SCUBE1: variants seen among roughly 807,000 people sequenced by gnomAD.
SCUBE1 encodes the protein signal peptide, CUB domain and EGF like domain containing 1.
Under a neutral mutation model 124.4 loss-of-function variants are expected in SCUBE1, and 59 were observed. That is an observed-to-expected ratio of 0.47 (90% CI 0.38 to 0.59). The LOEUF (loss-of-function observed/expected upper bound fraction) is 0.59, where lower values mean the gene tolerates loss of function less well. Ranked by LOEUF, SCUBE1 falls within the 20% of genes least tolerant of loss-of-function variation. SCUBE1 has a pLI of 0.00. For missense variants in SCUBE1, 1,150 were observed against 1,371.2 expected, an observed-to-expected ratio of 0.84 and a Z score of 2.55; for synonymous variants, 545 against 550.9, an observed-to-expected ratio of 0.99 and a Z score of 0.15.
At chr22:43,294,969 TA>T (rs1925503169) in intron 3 of SCUBE1, among the ~76,000 whole-genome samples, 1 of 152,162 alleles carries the variant, frequency 6.6e-6, no homozygotes, top group African/African-American at 2.4e-5. Context: ...CCGGGGGCAT[TA>T]TTCTTATTAT....
chr22:43,215,495 C>A (rs1569497190), intron 15 of SCUBE1, among the ~76,000 whole-genome samples: 2 of 152,158 alleles, frequency 1.3e-5, no homozygotes, highest in Admixed American at 1.3e-4. Context: ...AATATTGGTC[C>A]AAACTCAGAA....
intron 4 of SCUBE1, among the ~76,000 whole-genome samples, chr22:43,272,201 C>T (rs1002375428): frequency 6.6e-6 from 1 of 152,066 alleles, no homozygotes; most frequent in Admixed American, 6.5e-5. Context: ...AAGAGTTTAT[C>T]CCCCAGAGCC....
chr22:43,269,784 A>G (rs1255596301), intron 4 of SCUBE1, among the ~76,000 whole-genome samples: 1 of 152,180 alleles, frequency 6.6e-6, no homozygotes, highest in African/African-American at 2.4e-5. Context: ...CAAGCCATGC[A>G]GGGAAAAACA....
At chr22:43,206,311 CCA>C (rs1377584613) in intron 21 of SCUBE1, among the ~76,000 whole-genome samples, 11 of 151,574 alleles carry the variant, frequency 7.3e-5, no homozygotes, top group Middle Eastern at 3.4e-3. Flanking sequence ...TACACACACA[CCA>C]CAGTCACCAC....
chr22:43,339,750 A>G lies in SCUBE1; in HGVS notation c.89-515T>C, dbSNP rs1219695404. The stretch of plus-strand genomic sequence containing the variant: ...TCTACCCCCCACAAGCATAGCTCCA[A>G]CCCTCCCCCCACTCTCCTCATTCTA... On this transcript the variant is annotated intron_variant, in intron 1 of 21. Coordinates refer to ENST00000360835, the MANE Select transcript of SCUBE1 (RefSeq NM_173050.5). Among the ~76,000 whole-genome samples, 10 of 73,778 alleles carry G rather than the reference A, an allele frequency of 1.4e-4. No homozygotes were observed. In the East Asian group the frequency reaches 3.3e-3, roughly 24 times the overall value. 48.4% of individuals were successfully genotyped at this position (73,778 alleles called of 152,430 possible).
intron 6 of SCUBE1, among the ~76,000 whole-genome samples, chr22:43,248,042 A>G (rs1254123691): frequency 1.3e-5 from 2 of 152,244 alleles, no homozygotes; most frequent in Non-Finnish European, 2.9e-5. Context: ...GAGCCTATTC[A>G]GATTTGTGCC....
chr22:43,235,180 G>A (rs372566797), intron 7 of SCUBE1, among the ~76,000 whole-genome samples: 1 of 152,222 alleles, frequency 6.6e-6, no homozygotes, highest in Non-Finnish European at 1.5e-5. Flanking sequence ...ACAATGGAGC[G>A]GGTCTGAGGG....
In SCUBE1 at chr22:43,258,226, C is replaced by T. The variant is rs148404932; in HGVS notation, c.720G>A (p.Thr240=). The change falls in exon 6 of 22, where the codon ACG becomes ACA. Residue 240 remains threonine, a synonymous_variant. Transcript: ENST00000360835. The surrounding 1 kb of genome is among the most constrained non-coding windows in gnomAD (Gnocchi z 5.0). ...QKYALHSDGR[T]CIETCAVNNG... ...GCAGAGGTGCCTACTTACCGATGCA[C>T]GTGCGACCGTCTGAGTGGAGGGCGT... The T allele has an allele frequency of 2.0e-5, 32 of 1,612,000 alleles. No individual in the cohort carries two copies. Among genetic ancestry groups the T allele is most frequent in the Admixed American group, 1.3e-4 (8 of 60,018 alleles).
intron 2 of SCUBE1, among the ~76,000 whole-genome samples, chr22:43,335,083 C>G (rs1927020568): frequency 6.6e-6 from 1 of 152,230 alleles, no homozygotes; most frequent in Non-Finnish European, 1.5e-5. Context: ...AACCTGGGCT[C>G]TAGTCCCCAC....
chr22:43,281,429 C>T (rs186511242), intron 4 of SCUBE1, among the ~76,000 whole-genome samples: 43 of 95,466 alleles, frequency 4.5e-4, no homozygotes, highest in African/African-American at 2.7e-3. Context: ...CCTCCTGTCA[C>T]CTCCCTTGGC....
At chr22:43,267,562 C>G (rs1924122263) in intron 4 of SCUBE1, among the ~76,000 whole-genome samples, 1 of 152,208 alleles carries the variant, frequency 6.6e-6, no homozygotes, top group Non-Finnish European at 1.5e-5. Context: ...TCCCTTCCCC[C>G]TCACTTAACA....
At chr22:43,270,765 C>CT in intron 4 of SCUBE1, among the ~76,000 whole-genome samples, 1 of 152,356 alleles carries the variant, frequency 6.6e-6, no homozygotes, top group Non-Finnish European at 1.5e-5. Flanking sequence ...AAGACCTGCC[C>CT]TTCTCCAGCT....
intron 6 of SCUBE1, among the ~76,000 whole-genome samples, chr22:43,246,400 T>C (rs1481870605): frequency 6.6e-6 from 1 of 152,120 alleles, no homozygotes; most frequent in Non-Finnish European, 1.5e-5. Flanking sequence ...GCTGGGCCAG[T>C]GCTCTTCCGT....
At chr22:43,322,548 G>T (rs9612040) in intron 2 of SCUBE1, among the ~76,000 whole-genome samples, 18,903 of 151,992 alleles carry the variant, frequency 0.12, 1,425 homozygotes, top group East Asian at 0.19. Context: ...CCTTAATATC[G>T]TTACAGTCTG....
chr22:43,278,789 A>G (rs1341519769), intron 4 of SCUBE1, among the ~76,000 whole-genome samples: 1 of 152,158 alleles, frequency 6.6e-6, no homozygotes, highest in African/African-American at 2.4e-5. Flanking sequence ...CATGATGGGG[A>G]CATTAGTACT....
chr22:43,203,723 C>T lies in SCUBE1; in HGVS notation c.*274G>A. On this transcript the variant is annotated 3_prime_UTR_variant, in exon 22 of 22. Coordinates refer to ENST00000360835, the MANE Select transcript of SCUBE1 (RefSeq NM_173050.5). The stretch of plus-strand genomic sequence containing the variant: ...GAGGGTCCTGCAATCCTGCTACCTG[C>T]AGTCGGTCTGCCAGGGCTCAGGAGA... The T allele has an allele frequency of 2.6e-6, 1 of 386,750 alleles. No individual in the cohort carries two copies. Among genetic ancestry groups the T allele is most frequent in the Non-Finnish European group, 4.7e-6 (1 of 211,690 alleles). 24.0% of individuals were successfully genotyped at this position (386,750 alleles called of 1,614,324 possible).
intron 2 of SCUBE1, among the ~76,000 whole-genome samples, chr22:43,327,399 A>G (rs941556413): frequency 6.6e-6 from 1 of 152,304 alleles, no homozygotes; most frequent in South Asian, 2.1e-4. Flanking sequence ...AAAAAAGCAG[A>G]TGAGAGGTTT....
chr22:43,272,067 C>T (rs958041958), intron 4 of SCUBE1, among the ~76,000 whole-genome samples: 1 of 152,202 alleles, frequency 6.6e-6, no homozygotes, highest in Non-Finnish European at 1.5e-5. Context: ...GCTCACCTCA[C>T]ACCTCATCAG....
intron 4 of SCUBE1, among the ~76,000 whole-genome samples, chr22:43,274,862 G>A (rs1037868540): frequency 3.9e-5 from 6 of 152,206 alleles, no homozygotes; most frequent in South Asian, 4.1e-4. Context: ...CATGAGGGGC[G>A]GCAGCGGGTA....
Sources: allele counts gnomAD v4.1 joint callset (sites outside exome capture counted in the v4.1 genomes callset), GRCh38; gene constraint gnomAD v4.1.1; non-coding constraint Gnocchi (gnomAD v3.1); transcripts MANE v1.5; gene names NCBI Gene and HGNC (gene_info 2026-07-23, HGNC 2026-07-21).